The following ZNF248 variants were observed in gnomAD, a reference collection of about 807,000 sequenced individuals.
The protein encoded by ZNF248 is zinc finger protein 248.
A neutral mutation model predicts 44.3 loss-of-function variants in ZNF248; 20 were observed. That is an observed-to-expected ratio of 0.45 (90% confidence interval 0.32 to 0.66). The LOEUF is 0.66. ZNF248 is among the 30% of genes least tolerant of loss of function. The pLI is 0.04. For synonymous variants in ZNF248, 224 were observed against 229.0 expected (o/e 0.98, Z 0.20); for missense variants, 654 against 677.0 (o/e 0.97, Z 0.38).
At chr10:37,847,997 A>G (rs1042310033) in intron 3 of ZNF248, among the ~76,000 whole-genome samples, 3 of 152,226 alleles carry the variant, frequency 2.0e-5, no homozygotes, top group African/African-American at 7.2e-5. Flanking sequence ...GAGGCAGGGC[A>G]CAGTGGCTCA....
the ZNF248 span, among the ~76,000 whole-genome samples, chr10:37,766,520 G>A: frequency 2.0e-5 from 3 of 152,188 alleles, no homozygotes; most frequent in South Asian, 4.1e-4. Context: ...AACAGGGTCT[G>A]GAGTGGACCT....
At chr10:37,819,821 C>T (rs879054169) in intron 6 of ZNF248, 8 of 787,106 alleles carry the variant, frequency 1.0e-5, no homozygotes, top group East Asian at 4.9e-5. Flanking sequence ...AGGAGGTTTC[C>T]GCTTTGCTAA....
intron 6 of ZNF248, chr10:37,820,981 A>G: frequency 1.9e-6 from 3 of 1,588,470 alleles, no homozygotes; most frequent in Non-Finnish European, 2.6e-6. Context: ...TTCTTCCATC[A>G]TTTCTGGCTG....
intron 6 of ZNF248, among the ~76,000 whole-genome samples, chr10:37,793,279 G>A (rs895676794): frequency 6.6e-6 from 1 of 152,056 alleles, no homozygotes; most frequent in Non-Finnish European, 1.5e-5. Flanking sequence ...AGGTTGCAGT[G>A]AGCCGAGATC....
Position 37,849,205 on chromosome 10 carries a change from G to A in ZNF248, c.15+7091C>T, listed in dbSNP as rs185470502. Among the ~76,000 whole-genome samples the A allele has an allele frequency of 2.9e-3, 438 of 152,092 alleles. 2 individuals carry two copies. The highest frequency in any genetic ancestry group is 1.0e-2 in the African/African-American group (414 of 41,488). ...TCCCAGCACTTTGAAAGACTAAGGC[G>A]GATCACCTGAGCACAGGAATTTGAG... On this transcript the variant is annotated intron_variant, in intron 3 of 5. Coordinates refer to ENST00000395867, the MANE Select transcript of ZNF248 (RefSeq NM_021045.3).
chr10:37,820,291 A>T, intron 6 of ZNF248: 1 of 1,385,278 alleles, frequency 7.2e-7, no homozygotes, highest in South Asian at 1.2e-5. Flanking sequence ...GATCTCATAG[A>T]TGAGGGACTG....
chr10:37,813,996 T>A (rs148324903), intron 6 of ZNF248, among the ~76,000 whole-genome samples: 1 of 152,376 alleles, frequency 6.6e-6, no homozygotes, highest in East Asian at 1.9e-4. Flanking sequence ...GATTGAAGAA[T>A]TTAAGCCATT....
chr10:37,806,051 C>A (rs1460246667), intron 6 of ZNF248, among the ~76,000 whole-genome samples: 2 of 152,134 alleles, frequency 1.3e-5, no homozygotes, highest in African/African-American at 2.4e-5. Flanking sequence ...TTAACACTTT[C>A]AATCTGAACA....
At chr10:37,793,225 C>T (rs2048765796) in intron 6 of ZNF248, among the ~76,000 whole-genome samples, 1 of 152,000 alleles carries the variant, frequency 6.6e-6, no homozygotes, top group Non-Finnish European at 1.5e-5. Context: ...GTCCCAGCTA[C>T]TCGGGAGGCT....
the ZNF248 span, among the ~76,000 whole-genome samples, chr10:37,770,590 T>A: frequency 3.9e-4 from 59 of 152,244 alleles, no homozygotes; most frequent in Middle Eastern, 3.4e-3. Context: ...TGAAACTGGA[T>A]CCCTTCCTTA....
downstream of ZNF248, among the ~76,000 whole-genome samples, chr10:37,772,192 G>A (rs893077841): frequency 6.6e-6 from 1 of 152,008 alleles, no homozygotes; most frequent in Admixed American, 6.6e-5. Flanking sequence ...TTGAACCCGG[G>A]AGGTGGAGGT....
downstream of ZNF248, among the ~76,000 whole-genome samples, chr10:37,776,066 G>A (rs138115633): frequency 2.6e-5 from 4 of 152,206 alleles, no homozygotes; most frequent in South Asian, 2.1e-4. Context: ...TAGGTAAGGC[G>A]GCACCACATC....
chr10:37,804,243 C>T (rs986343926), intron 6 of ZNF248, among the ~76,000 whole-genome samples: 1 of 146,904 alleles, frequency 6.8e-6, no homozygotes, highest in African/African-American at 2.5e-5. Flanking sequence ...ATTAACTGTA[C>T]CTGAGGGTGG....
intron 3 of ZNF248, 150 bp downstream of exon 3, chr10:37,856,146 C>A: frequency 2.7e-6 from 2 of 751,208 alleles, no homozygotes; most frequent in Non-Finnish European, 4.2e-6. Context: ...AATTTGCCAA[C>A]TGCACTATTT....
At chr10:37,791,038 A>ATT (rs1554813574) in intron 6 of ZNF248, among the ~76,000 whole-genome samples, 4 of 39,640 alleles carry the variant, frequency 1.0e-4, no homozygotes, top group South Asian at 7.1e-4. Flanking sequence ...ATACTTTGTT[A>ATT]TTTCTTTTTT....
downstream of ZNF248, among the ~76,000 whole-genome samples, chr10:37,771,591 A>C (rs1375836852): frequency 7.2e-6 from 1 of 139,370 alleles, no homozygotes; most frequent in Non-Finnish European, 1.5e-5. Context: ...ACATGGACAC[A>C]GGAAGGAGAA....
At chr10:37,823,010 A>G (rs982875772) in intron 6 of ZNF248, among the ~76,000 whole-genome samples, 3 of 152,138 alleles carry the variant, frequency 2.0e-5, no homozygotes, top group Non-Finnish European at 4.4e-5. Context: ...TGTGAAGGAA[A>G]CTATAAAAGT....
intron 6 of ZNF248, among the ~76,000 whole-genome samples, chr10:37,816,567 C>T (rs375784337): frequency 2.0e-5 from 3 of 152,162 alleles, no homozygotes; most frequent in Non-Finnish European, 4.4e-5. Flanking sequence ...TTGTCTCTTT[C>T]GTTGGTTCAC....
At chr10:37,761,979 C>T in the ZNF248 span, among the ~76,000 whole-genome samples, 1 of 152,176 alleles carries the variant, frequency 6.6e-6, no homozygotes, top group African/African-American at 2.4e-5. Context: ...ATCACACATG[C>T]AGACATAAGA....
Sources: allele counts gnomAD v4.1 joint callset (sites outside exome capture counted in the v4.1 genomes callset), GRCh38; gene constraint gnomAD v4.1.1; transcripts MANE v1.5; gene names NCBI Gene and HGNC (gene_info 2026-07-23, HGNC 2026-07-21).